SDHB: variants seen among roughly 807,000 people sequenced by gnomAD.
SDHB encodes the protein succinate dehydrogenase [ubiquinone] iron-sulfur subunit, mitochondrial.
SDHB carries 21 observed loss-of-function variants against 39.7 expected under a neutral mutation model. The observed-to-expected ratio is 0.53, with a 90% confidence interval of 0.37 to 0.76. The LOEUF is 0.76. Ranked by LOEUF, SDHB falls within the 30% of genes least tolerant of loss-of-function variation. The pLI, the probability that SDHB is intolerant of heterozygous loss-of-function variation, is 0.00. For synonymous variants in SDHB, 118 were observed against 117.0 expected, an observed-to-expected ratio of 1.01 and a Z score of -0.06; for missense variants, 343 against 350.9, an observed-to-expected ratio of 0.98 and a Z score of 0.18.
intron 2 of SDHB, among the ~76,000 whole-genome samples, chr1:17,038,896 C>T (rs1198090106): frequency 2.0e-5 from 3 of 152,106 alleles, no homozygotes; most frequent in Admixed American, 2.0e-4. Context: ...TTGCCAAATG[C>T]TTTTCTGCAT....
intron 1 of SDHB, among the ~76,000 whole-genome samples, chr1:17,050,000 T>G (rs2078136326): frequency 6.6e-6 from 1 of 152,078 alleles, no homozygotes; most frequent in East Asian, 1.9e-4. Flanking sequence ...CAACAGGCAT[T>G]AGGCTCTATC....
chr1:17,037,894 T>G (rs1332312143), intron 2 of SDHB, among the ~76,000 whole-genome samples: 2 of 152,136 alleles, frequency 1.3e-5, no homozygotes, highest in Non-Finnish European at 2.9e-5. Context: ...CCCAGCACTT[T>G]GGGAGGCCGA....
chr1:17,053,708 C>T (rs536625060), intron 1 of SDHB, among the ~76,000 whole-genome samples: 4 of 151,930 alleles, frequency 2.6e-5, no homozygotes, highest in East Asian at 1.9e-4. Context: ...CGTCCCCCCC[C>T]CCCGCACCCT....
chr1:17,022,773 C>T (rs2101514134), intron 6 of SDHB, 43 bp from the exon 7 acceptor site: 1 of 1,598,222 alleles, frequency 6.3e-7, no homozygotes, highest in Middle Eastern at 1.7e-4. Context: ...AATCAACAGG[C>T]CAGAGCGGCA....
intron 2 of SDHB, among the ~76,000 whole-genome samples, chr1:17,037,899 G>A (rs775390361): frequency 1.3e-5 from 2 of 152,138 alleles, no homozygotes; most frequent in Non-Finnish European, 2.9e-5. Context: ...CACTTTGGGA[G>A]GCCGAGGTGG....
At chr1:17,030,102 T>G (rs1000341001) in intron 3 of SDHB, among the ~76,000 whole-genome samples, 7 of 151,986 alleles carry the variant, frequency 4.6e-5, no homozygotes, top group African/African-American at 1.7e-4. Context: ...GGCGGGAGAA[T>G]CATTTGAACT....
At chr1:17,053,887 C>T (rs1422486478) in intron 1 of SDHB, 61 bp downstream of exon 1, 1 of 1,258,760 alleles carries the variant, frequency 7.9e-7, no homozygotes, top group South Asian at 1.2e-5. Flanking sequence ...GCAGCCCCAT[C>T]AGCTCCAGGC....
intron 2 of SDHB, among the ~76,000 whole-genome samples, chr1:17,035,932 T>C (rs1314422386): frequency 6.6e-6 from 1 of 152,162 alleles, no homozygotes; most frequent in African/African-American, 2.4e-5. Context: ...CTGCAGATCA[T>C]ACTGGGACAG....
rs772551056 is a variant in SDHB, at chr1:17,044,824, C to T, written c.137G>A (p.Arg46Gln). Reference protein sequence around the residue: ...APRIKKFAIYRWDPDKAGDKP... With the variant: ...APRIKKFAIYQWDPDKAGDKP... ...GTCTCCAGCCTTGTCTGGGTCCCAT[C>T]GATAGATGGCAAATTTCTTGATACG... Residue 46 changes from arginine (R) to glutamine (Q), a missense_variant, in exon 2 of 8, where the codon CGA becomes CAA. Arg to Gln is a conservative substitution (Grantham distance 43). Coordinates refer to ENST00000375499, the MANE Select transcript of SDHB (RefSeq NM_003000.3). The T allele has an allele frequency of 1.7e-5, 27 of 1,613,850 alleles. No individual in the cohort carries two copies. The highest frequency in any genetic ancestry group is 2.2e-5 in the East Asian group (1 of 44,898).
At chr1:17,034,889 T>C (rs371633931) in intron 2 of SDHB, among the ~76,000 whole-genome samples, 1 of 152,212 alleles carries the variant, frequency 6.6e-6, no homozygotes, top group Non-Finnish European at 1.5e-5. Flanking sequence ...CAATTATTTA[T>C]TGAACATTTA....
At chr1:17,038,188 T>A (rs1019247720) in intron 2 of SDHB, among the ~76,000 whole-genome samples, 3 of 152,232 alleles carry the variant, frequency 2.0e-5, no homozygotes, top group African/African-American at 7.2e-5. Context: ...GCTGGGATTA[T>A]AAGCACAAGC....
At chr1:17,031,463 T>C (rs2746466) in intron 3 of SDHB, among the ~76,000 whole-genome samples, 145,594 of 152,244 alleles carry the variant, frequency 0.96, 69,680 homozygotes, top group East Asian at 1. Context: ...ATGTTCTTGG[T>C]TCTGAAAGAG....
chr1:17,041,082 A>T (rs2078077559), intron 2 of SDHB, among the ~76,000 whole-genome samples: 1 of 152,036 alleles, frequency 6.6e-6, no homozygotes, highest in South Asian at 2.1e-4. Context: ...GTGAGCCAAG[A>T]TTGCGCCACT....
At chr1:17,027,594 G>A in intron 5 of SDHB, 155 bp downstream of exon 5, 1 of 693,052 alleles carries the variant, frequency 1.4e-6, no homozygotes. Flanking sequence ...TACTCACCCG[G>A]CCCTAAGAGG....
At chr1:17,052,167 G>A (rs1485180379) in intron 1 of SDHB, 1 of 152,154 alleles carries the variant, frequency 6.6e-6, no homozygotes, top group Non-Finnish European at 1.5e-5. Flanking sequence ...TTTTAAGTAG[G>A]TAGTTCTTGT....
intron 2 of SDHB, among the ~76,000 whole-genome samples, chr1:17,036,228 CAG>C (rs1218870235): frequency 6.6e-6 from 1 of 152,188 alleles, no homozygotes; most frequent in Non-Finnish European, 1.5e-5. Flanking sequence ...AACCCACAAA[CAG>C]GGCATGTCTT....
At position 17,018,807 on chromosome 1, in the gene SDHB, T is replaced by C; in HGVS notation, c.*74A>G. 9.2e-7 allele frequency: 1 copy of C among 1,090,480 alleles called. No individual in the cohort carries two copies. The highest frequency in any genetic ancestry group is 1.4e-6 in the Non-Finnish European group (1 of 707,326). 67.6% of individuals were successfully genotyped at this position (1,090,480 alleles called of 1,614,324 possible). On this transcript the variant is annotated 3_prime_UTR_variant, in exon 8 of 8. Coordinates refer to ENST00000375499, the MANE Select transcript of SDHB (RefSeq NM_003000.3). The stretch of plus-strand genomic sequence containing the variant: ...TGTATTCATGGAAAACCAAGATCTT[T>C]AAAGGAACTCAAATTAGATATAAAT...
At chr1:17,039,294 A>G (rs1277221476) in intron 2 of SDHB, among the ~76,000 whole-genome samples, 1 of 151,308 alleles carries the variant, frequency 6.6e-6, no homozygotes, top group Non-Finnish European at 1.5e-5. Flanking sequence ...TAAAAAAATA[A>G]TTACTCTTGG....
chr1:17,022,806 G>A, intron 6 of SDHB, 76 bp from the exon 7 acceptor site: 3 of 1,552,130 alleles, frequency 1.9e-6, no homozygotes, highest in Non-Finnish European at 2.6e-6. Context: ...TCAAAGCTCT[G>A]GGAGTGCAGA....
Sources: allele counts gnomAD v4.1 joint callset (sites outside exome capture counted in the v4.1 genomes callset), GRCh38; gene constraint gnomAD v4.1.1; transcripts MANE v1.5; gene names NCBI Gene and HGNC (gene_info 2026-07-23, HGNC 2026-07-21).